Variants in VPS33B observed in about 807,000 individuals in gnomAD.
VPS33B encodes vacuolar protein sorting-associated protein 33B.
In VPS33B, 80 loss-of-function variants were observed where a neutral mutation model predicts 95.3. The ratio of observed to expected loss-of-function variants is 0.84; its 90% CI spans 0.70 to 1.01. The LOEUF is 1.01. VPS33B is among the 50% of genes least tolerant of loss of function. The pLI, the probability that VPS33B is intolerant of heterozygous loss-of-function variation, is 0.00. For synonymous variants in VPS33B, 280 were observed against 280.4 expected, an observed-to-expected ratio of 1.00 and a Z score of 0.01; for missense variants, 715 against 773.4, an observed-to-expected ratio of 0.92 and a Z score of 0.90.
At chr15:91,017,385 T>A (rs371593341) in intron 2 of VPS33B, among the ~76,000 whole-genome samples, 17,927 of 48,566 alleles carry the variant, frequency 0.37, 5,364 homozygotes, top group East Asian at 0.98. Context: ...TATATATATA[T>A]ATATATATAT....
At chr15:91,021,223 C>T (rs68102919) in intron 1 of VPS33B, among the ~76,000 whole-genome samples, 15,274 of 152,216 alleles carry the variant, frequency 0.1, 1,350 homozygotes, top group East Asian at 0.45. Context: ...CCCTGCCCAC[C>T]TTCCAGTCTA....
intron 1 of VPS33B, among the ~76,000 whole-genome samples, chr15:91,020,016 G>A (rs751517484): frequency 4.1e-4 from 63 of 152,204 alleles, no homozygotes; most frequent in Middle Eastern, 3.4e-3. Context: ...TGTTGGTCAG[G>A]CTGGTCTCGA....
rs747969272 is a variant in VPS33B, at chr15:91,005,667, C to T, written c.1030+27G>A. 1.2e-6 allele frequency: 2 copies of T among 1,613,760 alleles called. No individual in the cohort carries two copies. Among genetic ancestry groups the T allele is most frequent in the South Asian group, 1.1e-5 (1 of 91,070 alleles). On this transcript the variant is annotated intron_variant, in intron 13 of 22. Transcript: ENST00000333371. The surrounding 1 kb of genome is among the most constrained non-coding windows in gnomAD (Gnocchi z 6.4). Reference sequence around the variant, plus strand: ...TCCCCAGAGGGACACAGTCACTTCCCCTCACGCCCCTCAAGCTGAAACCTA... The same window carrying T: ...TCCCCAGAGGGACACAGTCACTTCCTCTCACGCCCCTCAAGCTGAAACCTA...
intron 16 of VPS33B, among the ~76,000 whole-genome samples, chr15:91,003,558 G>C (rs1273253176): frequency 6.6e-6 from 1 of 152,160 alleles, no homozygotes; most frequent in Non-Finnish European, 1.5e-5. Context: ...TCCTGCCTCA[G>C]CCTCCTGAGT....
At chr15:91,019,830 A>C (rs2041053284) in intron 1 of VPS33B, among the ~76,000 whole-genome samples, 1 of 150,264 alleles carries the variant, frequency 6.7e-6, no homozygotes. Context: ...TTTGAGATGG[A>C]GTATCGCTTT....
chr15:91,013,905 T>C lies in VPS33B; in HGVS notation c.290-34A>G. 2 of 1,613,162 alleles carry C rather than the reference T, an allele frequency of 1.2e-6. No homozygotes were observed. The highest frequency in any genetic ancestry group is 1.7e-6 in the Non-Finnish European group (2 of 1,179,160). On this transcript the variant is annotated intron_variant, in intron 4 of 22. Transcript: ENST00000333371. This position sits in a 1 kb window ranked among gnomAD's most constrained non-coding sequence, Gnocchi z 4.5. ...AGAAGGAATGCAGCCCAGCAAGTCATGGGCCATCTGTTATGCTAGAAACAG... is the reference window on the plus strand; with the variant it reads ...AGAAGGAATGCAGCCCAGCAAGTCACGGGCCATCTGTTATGCTAGAAACAG...
At chr15:91,012,773 A>C (rs116490704) in intron 5 of VPS33B, among the ~76,000 whole-genome samples, 1,819 of 152,280 alleles carry the variant, frequency 0.012, 39 homozygotes, top group African/African-American at 0.042. Flanking sequence ...GCTCAATGGA[A>C]TCAAGAAATG....
rs192462745 is a variant in VPS33B, at chr15:91,015,008, C to A, written c.240-575G>T. Among the ~76,000 whole-genome samples the A allele has an allele frequency of 3.7e-3, 551 of 150,464 alleles. 2 individuals carry two copies. The highest frequency in any genetic ancestry group is 0.013 in the African/African-American group (523 of 40,692). Reference sequence around the variant, plus strand: ...CTGAGGTCAGGAGTTTGAGACCAGCCCAGCCAACATGGTGAAACCCCGTCT... The same window carrying A: ...CTGAGGTCAGGAGTTTGAGACCAGCACAGCCAACATGGTGAAACCCCGTCT... On this transcript the variant is annotated intron_variant, in intron 3 of 22. Coordinates refer to ENST00000333371, the MANE Select transcript of VPS33B (RefSeq NM_018668.5). This position sits in a 1 kb window ranked among gnomAD's most constrained non-coding sequence, Gnocchi z 4.7.
At chr15:91,001,585 C>T (rs2040439510) in intron 18 of VPS33B, 123 bp from the exon 19 acceptor site, 1 of 815,260 alleles carries the variant, frequency 1.2e-6, no homozygotes, top group South Asian at 1.4e-5. Context: ...AGCTGTTCAA[C>T]TATAATTCCC....
In VPS33B at chr15:91,014,377, C is replaced by T. The variant is rs767665685; in HGVS notation, c.289+7G>A. The T allele has an allele frequency of 3.7e-6, 6 of 1,613,964 alleles. No individual in the cohort carries two copies. The highest frequency in any genetic ancestry group is 4.2e-6 in the Non-Finnish European group (5 of 1,180,018). ...CACAGTTACACATAGTACCATGGCACACTCACTGGCAATGTATCGCATATT... is the reference window on the plus strand; with the variant it reads ...CACAGTTACACATAGTACCATGGCATACTCACTGGCAATGTATCGCATATT... On this transcript the variant is annotated splice_region_variant and intron_variant, in intron 4 of 22. Coordinates refer to ENST00000333371, the MANE Select transcript of VPS33B (RefSeq NM_018668.5).
rs1002892555 is a variant in VPS33B at position 91,002,614 on chromosome 15, A to G, written c.1273-432T>C. Among the ~76,000 whole-genome samples, 2 of 150,228 alleles carry G rather than the reference A, an allele frequency of 1.3e-5. No homozygotes were observed. Among genetic ancestry groups the G allele is most frequent in the African/African-American group, 4.9e-5 (2 of 40,536 alleles). The stretch of plus-strand genomic sequence containing the variant: ...CACTGCACTCTAGCTTGGGCAACAG[A>G]GCGAGACATCGTCTCGAAATAAAAA... On this transcript the variant is annotated intron_variant, in intron 17 of 22. Transcript: ENST00000333371. This position sits in a 1 kb window ranked among gnomAD's most constrained non-coding sequence, Gnocchi z 4.7.
chr15:91,013,864 G>C lies in VPS33B; in HGVS notation c.297C>G (p.Val99=). 1 of 1,614,066 alleles carries C rather than the reference G, an allele frequency of 6.2e-7. No homozygotes were observed. Among genetic ancestry groups the C allele is most frequent in the East Asian group, 2.2e-5 (1 of 44,880 alleles). The change falls in exon 5 of 23, where the codon GTC becomes GTG. Residue 99 remains valine, a synonymous_variant. Transcript: ENST00000333371. The surrounding 1 kb of genome is among the most constrained non-coding windows in gnomAD (Gnocchi z 4.5). ...TTCGGCCAGCCAATTTGTCAGCATT[G>C]ACAAGACCTACAGAGAGAAGGAATG... ...IKNMRYIASL[V]NADKLAGRTR...
chr15:91,009,812 C>T lies in VPS33B; in HGVS notation c.392G>A (p.Gly131Glu), dbSNP rs1373855924. The T allele has an allele frequency of 6.2e-7, 1 of 1,614,140 alleles. No individual in the cohort carries two copies. The highest frequency in any genetic ancestry group is 8.5e-7 in the Non-Finnish European group (1 of 1,180,026). Residue 131 changes from glycine to glutamate, a missense_variant, in exon 6 of 23, where the codon GGA becomes GAA. Physicochemically the swap from Gly to Glu is moderately conservative, Grantham distance 98 (BLOSUM62 -2). Transcript: ENST00000333371. This position sits in a 1 kb window ranked among gnomAD's most constrained non-coding sequence, Gnocchi z 4.1. ...YACEMVLEEEGIYGDVSCDEW... is the reference protein window; with the variant it reads ...YACEMVLEEEEIYGDVSCDEW... ...TCATCTCCTCTCACCTCCATAGATT[C>T]CCTCTTCCTCAAGCACCATCTCACA...
chr15:90,999,734 A>G lies in VPS33B; in HGVS notation c.1717T>C (p.Leu573=), dbSNP rs1480977137. The change falls in exon 22 of 23, where the codon TTG becomes CTG. Residue 573 remains leucine, a synonymous_variant. Coordinates refer to ENST00000333371, the MANE Select transcript of VPS33B (RefSeq NM_018668.5). This position sits in a 1 kb window ranked among gnomAD's most constrained non-coding sequence, Gnocchi z 5.1. ...ATCTCAGAGAATGTACAACCACCCA[A>G]GAACACCACCAAGATGAGGCGCAGG... ...ESLRLILVVF[L]GGCTFSEISA... The G allele has an allele frequency of 3.7e-6, 6 of 1,614,144 alleles. No individual in the cohort carries two copies. Among genetic ancestry groups the G allele is most frequent in the Non-Finnish European group, 5.1e-6 (6 of 1,180,014 alleles).
At position 91,002,143 on chromosome 15, in the gene VPS33B, G is replaced by T. The variant is rs121434384; in HGVS notation, c.1312C>A (p.Arg438=). ...TGCTCCGTTAGGAGCCCAGCTCTTC[G>T]CAGATTGGAGAAGGTTAGCAGGTGC... ...PEHLLTFSNL[R]RAGLLTEQAP... is the part of the protein sequence containing the mutation. Residue 438 remains arginine, a synonymous_variant, in exon 18 of 23, where the codon CGA becomes AGA. Transcript: ENST00000333371. The surrounding 1 kb of genome is among the most constrained non-coding windows in gnomAD (Gnocchi z 4.7). 6.2e-7 allele frequency: 1 copy of T among 1,614,078 alleles called. No individual in the cohort carries two copies. The highest frequency in any genetic ancestry group is 1.3e-5 in the African/African-American group (1 of 74,924).
rs1007308602 is a variant in VPS33B at position 91,000,481 on chromosome 15, T to C, written c.1581+9A>G. 3 of 1,610,206 alleles carry C rather than the reference T, an allele frequency of 1.9e-6. No individual in the cohort carries two copies. The highest frequency in any genetic ancestry group is 2.5e-6 in the Non-Finnish European group (3 of 1,177,540). ...AATATGAATGGGAGCAAGAATTACA[T>C]GCTCTCACCTGCTCAATGATTCGGC... On this transcript the variant is annotated intron_variant, in intron 20 of 22. Coordinates refer to ENST00000333371, the MANE Select transcript of VPS33B (RefSeq NM_018668.5). The surrounding 1 kb of genome is among the most constrained non-coding windows in gnomAD (Gnocchi z 4.9).
In VPS33B at chr15:91,022,333, G is replaced by A. The variant is rs548888101; in HGVS notation, c.-84C>T. The A allele has an allele frequency of 6.4e-6, 9 of 1,404,614 alleles. No individual in the cohort carries two copies. Among genetic ancestry groups the A allele is most frequent in the Non-Finnish European group, 5.8e-6 (6 of 1,042,966 alleles). The allele number at this position is 1,404,614 out of a possible 1,614,324, so 87.0% of individuals were successfully genotyped here. A position where few individuals can be genotyped will look rare whatever the true frequency, so the allele number is the denominator to read the frequency against. On this transcript the variant is annotated 5_prime_UTR_variant, in exon 1 of 23. Transcript: ENST00000333371. ...CGCAGCCCAGGGAAGCGCAAGGGGG[G>A]CTATCCTTCAGGCCTGGGCACCGAC...
At position 91,000,123 on chromosome 15, in the gene VPS33B, T is replaced by A; in HGVS notation, c.1582-148A>T. On this transcript the variant is annotated intron_variant, in intron 20 of 22. Transcript: ENST00000333371. The surrounding 1 kb of genome is among the most constrained non-coding windows in gnomAD (Gnocchi z 4.9). ...GGCCAGGTGTGGTGGCTCACGCCTG[T>A]AATTCCAACACTTTAGGAGTTTGAG... 1 of 981,564 alleles carries A rather than the reference T, an allele frequency of 1.0e-6. No individual in the cohort carries two copies. Among genetic ancestry groups the A allele is most frequent in the Non-Finnish European group, 1.6e-6 (1 of 638,328 alleles). 60.8% of individuals were successfully genotyped at this position (981,564 alleles called of 1,614,324 possible).
chr15:91,020,283 T>C (rs12595616), intron 1 of VPS33B, among the ~76,000 whole-genome samples: 83,813 of 152,140 alleles, frequency 0.55, 26,020 homozygotes, highest in East Asian at 0.99. Flanking sequence ...GAAGTATCCA[T>C]GGAACTCAGC....
Sources: allele counts gnomAD v4.1 joint callset (sites outside exome capture counted in the v4.1 genomes callset), GRCh38; gene constraint gnomAD v4.1.1; non-coding constraint Gnocchi (gnomAD v3.1); transcripts MANE v1.5; gene names NCBI Gene and HGNC (gene_info 2026-07-23, HGNC 2026-07-21).